Variants in ZNF367 observed in about 807,000 individuals in gnomAD.
ZNF367 encodes the protein C2H2 zinc finger protein ZFF29.
ZNF367 carries 11 observed loss-of-function variants against 31.8 expected under a neutral mutation model. The ratio of observed to expected loss-of-function variants is 0.35; its 90% CI spans 0.22 to 0.57. The LOEUF (loss-of-function observed/expected upper bound fraction) is 0.57. Among genes scored for constraint, ZNF367 ranks in the 20% least tolerant of loss-of-function variants. ZNF367 has a pLI of 0.85. For synonymous variants in ZNF367, 199 were observed against 202.4 expected (o/e 0.98, Z 0.14); for missense variants, 353 against 484.1 (o/e 0.73, Z 2.54).
At chr9:96,402,981 T>A (rs1226802140) in intron 1 of ZNF367, among the ~76,000 whole-genome samples, 1 of 151,972 alleles carries the variant, frequency 6.6e-6, no homozygotes, top group Non-Finnish European at 1.5e-5. Context: ...CACACTTTTT[T>A]TTTTTTGAGA....
chr9:96,387,867 ATCT>A lies in ZNF367; in HGVS notation c.*367_*369del. The A allele has an allele frequency of 5.2e-6, 1 of 191,886 alleles. No individual in the cohort carries two copies. Among genetic ancestry groups the A allele is most frequent in the Non-Finnish European group, 1.1e-5 (1 of 94,556 alleles). The allele number at this position is 191,886 out of a possible 1,614,324, so 11.9% of individuals were successfully genotyped here. A position where few individuals can be genotyped will look rare whatever the true frequency, so the allele number is the denominator to read the frequency against. ...ATGATCTTATAAATAATCTGTTTTA[ATCT>A]TCTTTGGCTATTTGTACCATTCTGT... On this transcript the variant is annotated 3_prime_UTR_variant, in exon 5 of 5. Coordinates refer to ENST00000375256, the MANE Select transcript of ZNF367 (RefSeq NM_153695.4).
chr9:96,415,218 C>A (rs1264594149), intron 1 of ZNF367, among the ~76,000 whole-genome samples: 23 of 142,342 alleles, frequency 1.6e-4, no homozygotes, highest in Non-Finnish European at 2.9e-4. Flanking sequence ...CCACCCCTGG[C>A]CAATTTTTTT....
At chr9:96,394,725 A>G in intron 3 of ZNF367, 98 bp downstream of exon 3, 1 of 1,122,878 alleles carries the variant, frequency 8.9e-7, no homozygotes, top group East Asian at 2.7e-5. Flanking sequence ...TAAAATTTAT[A>G]TTAAAAAATC....
At chr9:96,403,082 G>A (rs1453625460) in intron 1 of ZNF367, among the ~76,000 whole-genome samples, 2 of 151,748 alleles carry the variant, frequency 1.3e-5, no homozygotes, top group African/African-American at 4.8e-5. Flanking sequence ...CAATTCTCCT[G>A]CCTCAGCCTC....
At chr9:96,402,619 A>ATTTTTTTTT (rs61651699) in intron 1 of ZNF367, among the ~76,000 whole-genome samples, 1 of 70,202 alleles carries the variant, frequency 1.4e-5, no homozygotes, top group East Asian at 4.5e-4. Flanking sequence ...CGCCTGGCTA[A>ATTTTTTTTT]TTTTTTTTTT....
intron 4 of ZNF367, among the ~76,000 whole-genome samples, chr9:96,389,492 A>G (rs1831443625): frequency 6.6e-6 from 1 of 151,874 alleles, no homozygotes; most frequent in Admixed American, 6.6e-5. Flanking sequence ...ACAGCAGATC[A>G]GTGTTGTATG....
intron 1 of ZNF367, among the ~76,000 whole-genome samples, chr9:96,412,697 CTT>C (rs71368258): frequency 9.7e-5 from 13 of 133,762 alleles, no homozygotes; most frequent in Admixed American, 1.5e-4. Flanking sequence ...TTTTTCTTTT[CTT>C]TTTTTTTTTT....
chr9:96,418,265 C>A lies in ZNF367; in HGVS notation c.-233G>T. ...GCCCTCCGCTCTTTGTACTCCGCAG[C>A]GCAGGCTGCAGGGGTGGGAAGCAGC... On this transcript the variant is annotated 5_prime_UTR_variant, in exon 1 of 5. Transcript: ENST00000375256. The A allele has an allele frequency of 1.9e-6, 1 of 522,924 alleles. No homozygotes were observed. The allele number at this position is 522,924 out of a possible 1,614,324, so 32.4% of individuals were successfully genotyped here. A position where few individuals can be genotyped will look rare whatever the true frequency, so the allele number is the denominator to read the frequency against.
At position 96,417,501 on chromosome 9, in the gene ZNF367, C is replaced by A. The variant is rs1252666708; in HGVS notation, c.420+112G>T. 1.2e-5 allele frequency: 3 copies of A among 255,336 alleles called. No individual in the cohort carries two copies. The highest frequency in any genetic ancestry group is 2.2e-5 in the Non-Finnish European group (3 of 134,924). The allele number at this position is 255,336 out of a possible 1,614,324, so 15.8% of individuals were successfully genotyped here. On this transcript the variant is annotated intron_variant, in intron 1 of 4. Coordinates refer to ENST00000375256, the MANE Select transcript of ZNF367 (RefSeq NM_153695.4). This position sits in a 1 kb window ranked among gnomAD's most constrained non-coding sequence, Gnocchi z 5.0. ...GACGTCAGCATCCTGTCAGCCGCAGCCCCCGCCGTAGCCGGATCGACCTCG... is the reference window on the plus strand; with the variant it reads ...GACGTCAGCATCCTGTCAGCCGCAGACCCCGCCGTAGCCGGATCGACCTCG...
intron 1 of ZNF367, among the ~76,000 whole-genome samples, chr9:96,411,161 G>A (rs1831743806): frequency 1.5e-5 from 2 of 132,316 alleles, no homozygotes; most frequent in Non-Finnish European, 3.1e-5. Context: ...TCCAGCCTGG[G>A]CGACAGAGAC....
intron 1 of ZNF367, among the ~76,000 whole-genome samples, chr9:96,405,919 T>C (rs1292398431): frequency 1.3e-5 from 2 of 152,220 alleles, no homozygotes; most frequent in African/African-American, 2.4e-5. Context: ...AAATGACTAA[T>C]TTAATGTTAT....
At position 96,417,663 on chromosome 9, in the gene ZNF367, C is replaced by T. The variant is rs1831850247; in HGVS notation, c.370G>A (p.Gly124Arg). Residue 124 changes from glycine to arginine, a missense_variant, in exon 1 of 5, where the codon GGA becomes AGA. Physicochemically the swap from Gly to Arg is moderately radical, Grantham distance 125. Around this residue, in one of 5 missense-constraint regions of ZNF367, gnomAD observed 70 missense variants for 57.1 expected, o/e 1.23. Coordinates refer to ENST00000375256, the MANE Select transcript of ZNF367 (RefSeq NM_153695.4). This position sits in a 1 kb window ranked among gnomAD's most constrained non-coding sequence, Gnocchi z 5.0. ...PAASASAAAS[G>R]GEDEEEASSP... ...CTCGCTTCCTCCTCGTCCTCACCTC[C>T]CGAGGCGGCGGCGGAGGCCGAGGCG... is the stretch of plus-strand genomic sequence containing the variant. 1 of 1,022,850 alleles carries T rather than the reference C, an allele frequency of 9.8e-7. No individual in the cohort carries two copies. The highest frequency in any genetic ancestry group is 1.2e-6 in the Non-Finnish European group (1 of 804,940). The allele number at this position is 1,022,850 out of a possible 1,614,324, so 63.4% of individuals were successfully genotyped here. A position where few individuals can be genotyped will look rare whatever the true frequency, so the allele number is the denominator to read the frequency against.
intron 1 of ZNF367, among the ~76,000 whole-genome samples, chr9:96,412,663 T>A (rs1403939212): frequency 2.0e-5 from 3 of 152,036 alleles, no homozygotes; most frequent in Admixed American, 2.0e-4. Context: ...AGATAAGCTA[T>A]ACATAGTATG....
intron 1 of ZNF367, among the ~76,000 whole-genome samples, chr9:96,404,476 C>T (rs1831646855): frequency 6.6e-6 from 1 of 151,798 alleles, no homozygotes; most frequent in Admixed American, 6.6e-5. Flanking sequence ...ACCTGTAGTC[C>T]CAGCTACTCG....
rs1831846178 is a variant in ZNF367 at position 96,417,431 on chromosome 9, T to G, written c.420+182A>C. Among the ~76,000 whole-genome samples the G allele has an allele frequency of 2.8e-5, 2 of 70,602 alleles. No homozygotes were observed. The highest frequency in any genetic ancestry group is 2.2e-4 in the African/African-American group (2 of 9,152). The allele number at this position is 70,602 out of a possible 152,430, so 46.3% of individuals were successfully genotyped here. On this transcript the variant is annotated intron_variant, in intron 1 of 4. Coordinates refer to ENST00000375256, the MANE Select transcript of ZNF367 (RefSeq NM_153695.4). This position sits in a 1 kb window ranked among gnomAD's most constrained non-coding sequence, Gnocchi z 5.0. The stretch of plus-strand genomic sequence containing the variant: ...TCCCGCGCCGCTCCCGCCTGTCACG[T>G]GACAGGCCCCCCCCGACTGGGGCCG...
intron 1 of ZNF367, among the ~76,000 whole-genome samples, chr9:96,416,505 T>A (rs1831832962): frequency 6.6e-6 from 1 of 152,202 alleles, no homozygotes; most frequent in East Asian, 1.9e-4. Context: ...ATATATCAAT[T>A]TCCTCAAAAC....
chr9:96,395,237 C>CT (rs775249220), intron 2 of ZNF367, among the ~76,000 whole-genome samples: 3 of 152,144 alleles, frequency 2.0e-5, no homozygotes, highest in Non-Finnish European at 2.9e-5. Flanking sequence ...TTCACTATGT[C>CT]TTCCACCCAC....
rs1831854078 is a variant in ZNF367 at position 96,417,805 on chromosome 9, G to A, written c.228C>T (p.Asn76=). 2.9e-6 allele frequency: 4 copies of A among 1,391,554 alleles called. No individual in the cohort carries two copies. Among genetic ancestry groups the A allele is most frequent in the Non-Finnish European group, 9.3e-7 (1 of 1,073,082 alleles). 86.2% of individuals were successfully genotyped at this position (1,391,554 alleles called of 1,614,324 possible). Residue 76 remains asparagine (N), a synonymous_variant, in exon 1 of 5, where the codon AAC becomes AAT. Transcript: ENST00000375256. This position sits in a 1 kb window ranked among gnomAD's most constrained non-coding sequence, Gnocchi z 5.0. ...CAGGGCTGAGCGTCACGTTGTGTGC[G>A]TTCTCGCCCCAGCGCCACGGGTACA... The part of the protein sequence containing the change: ...FMVYPWRWGE[N]AHNVTLSPGA...
chr9:96,409,307 G>A (rs997981043), intron 1 of ZNF367, among the ~76,000 whole-genome samples: 6 of 152,034 alleles, frequency 3.9e-5, no homozygotes, highest in African/African-American at 1.4e-4. Context: ...TACAACATAC[G>A]GTTCTACCAT....
Sources: allele counts gnomAD v4.1 joint callset (sites outside exome capture counted in the v4.1 genomes callset), GRCh38; gene constraint gnomAD v4.1.1; regional missense constraint gnomAD v4.1.1; non-coding constraint Gnocchi (gnomAD v3.1); transcripts MANE v1.5; gene names NCBI Gene and HGNC (gene_info 2026-07-23, HGNC 2026-07-21).